The following GUCY1A2 variants were observed in gnomAD, a reference collection of about 807,000 sequenced individuals.
The protein encoded by GUCY1A2 is guanylate cyclase 1 soluble subunit alpha 2, also known as guanylate cyclase soluble subunit alpha-2.
GUCY1A2 carries 27 observed loss-of-function variants against 63.5 expected under a neutral mutation model. The observed-to-expected ratio is 0.43, with a 90% CI of 0.31 to 0.59. The LOEUF (loss-of-function observed/expected upper bound fraction) is 0.59, where lower values mean the gene tolerates loss of function less well. Ranked by LOEUF, GUCY1A2 falls within the 20% of genes least tolerant of loss-of-function variation. The pLI, the probability that GUCY1A2 is intolerant of heterozygous loss-of-function variation, is 0.11. For missense variants in GUCY1A2, 768 were observed against 913.3 expected (o/e 0.84, Z 2.05); for synonymous variants, 364 against 343.5 (o/e 1.06, Z -0.66).
chr11:106,963,338 G>A (rs535279319), intron 3 of GUCY1A2, among the ~76,000 whole-genome samples: 13 of 152,172 alleles, frequency 8.5e-5, no homozygotes, highest in Non-Finnish European at 1.5e-4. Flanking sequence ...CTACATGTCC[G>A]TGTATAGATG....
chr11:106,678,641 A>G lies in GUCY1A2; in HGVS notation c.*8908T>C, dbSNP rs1315149250. On this transcript the variant is annotated 3_prime_UTR_variant, in exon 8 of 8. Transcript: ENST00000526355. ...TCAGAGAGTCAGAGGTGATGTAACA[A>G]TATTCATATTTGTTGTTCAAATGAT... is the stretch of plus-strand genomic sequence containing the variant. 4.8e-6 allele frequency: 1 copy of G among 210,266 alleles called. No homozygotes were observed. Among genetic ancestry groups the G allele is most frequent in the Non-Finnish European group, 9.7e-6 (1 of 103,498 alleles). The allele number at this position is 210,266 out of a possible 1,614,324, so 13.0% of individuals were successfully genotyped here.
intron 4 of GUCY1A2, among the ~76,000 whole-genome samples, chr11:106,920,819 C>A (rs1005098487): frequency 6.6e-6 from 1 of 151,986 alleles, no homozygotes; most frequent in African/African-American, 2.4e-5. Context: ...TTTTAAAAAT[C>A]TATACTTCAC....
Position 106,708,502 on chromosome 11 carries a change from G to A in GUCY1A2, c.1991+10C>T, listed in dbSNP as rs1425359820. On this transcript the variant is annotated intron_variant, in intron 7 of 7. Transcript: ENST00000526355. ...CCAAGACAGGAAGGAGGAGGCCAGAGAACACTTACTGGTAAGTGGTTGGGC... is the reference window on the plus strand; with the variant it reads ...CCAAGACAGGAAGGAGGAGGCCAGAAAACACTTACTGGTAAGTGGTTGGGC... The A allele has an allele frequency of 6.2e-7, 1 of 1,606,116 alleles. No homozygotes were observed. The highest frequency in any genetic ancestry group is 8.5e-7 in the Non-Finnish European group (1 of 1,174,658).
intron 6 of GUCY1A2, among the ~76,000 whole-genome samples, chr11:106,773,663 A>T (rs554169244): frequency 2.6e-4 from 40 of 152,328 alleles, no homozygotes; most frequent in Admixed American, 9.8e-4. Context: ...ACAGATCCTC[A>T]CCAACAGTGG....
intron 6 of GUCY1A2, among the ~76,000 whole-genome samples, chr11:106,726,305 A>T (rs1314625093): frequency 1.3e-5 from 2 of 152,068 alleles, no homozygotes; most frequent in Non-Finnish European, 2.9e-5. Flanking sequence ...AATCCCAGCT[A>T]CTTGGGGGGC....
At chr11:106,765,466 A>T (rs1864146869) in intron 6 of GUCY1A2, among the ~76,000 whole-genome samples, 1 of 152,126 alleles carries the variant, frequency 6.6e-6, no homozygotes, top group South Asian at 2.1e-4. Context: ...TCAGGGATGT[A>T]CCTGGTTTGC....
At chr11:106,927,291 C>T (rs908954620) in intron 4 of GUCY1A2, among the ~76,000 whole-genome samples, 2 of 151,158 alleles carry the variant, frequency 1.3e-5, no homozygotes, top group East Asian at 2.1e-4. Flanking sequence ...GAGAATGGCA[C>T]GAACCCGGGG....
At chr11:106,969,570 CAA>C (rs35401717) in intron 3 of GUCY1A2, among the ~76,000 whole-genome samples, 1 of 149,420 alleles carries the variant, frequency 6.7e-6, no homozygotes, top group East Asian at 2.0e-4. Context: ...GAAATAAAGA[CAA>C]AAAAAAACAG....
intron 5 of GUCY1A2, among the ~76,000 whole-genome samples, chr11:106,799,255 A>T (rs1039356260): frequency 6.6e-6 from 1 of 152,196 alleles, no homozygotes; most frequent in Non-Finnish European, 1.5e-5. Context: ...GAGGACACAA[A>T]CAAATGGAAG....
At chr11:106,718,340 T>G (rs1196036023) in intron 6 of GUCY1A2, among the ~76,000 whole-genome samples, 1 of 152,104 alleles carries the variant, frequency 6.6e-6, no homozygotes, top group African/African-American at 2.4e-5. Flanking sequence ...GTTTGTAATC[T>G]TGTTTACATT....
intron 2 of GUCY1A2, among the ~76,000 whole-genome samples, chr11:106,980,187 A>T (rs1052768618): frequency 3.9e-5 from 6 of 152,204 alleles, no homozygotes; most frequent in African/African-American, 1.4e-4. Context: ...GGCAGGGCAA[A>T]TATGTGAATT....
At chr11:106,780,414 A>T (rs909349023) in intron 5 of GUCY1A2, among the ~76,000 whole-genome samples, 1 of 152,190 alleles carries the variant, frequency 6.6e-6, no homozygotes, top group Non-Finnish European at 1.5e-5. Flanking sequence ...AATTAGCAAC[A>T]GTGTATTTCT....
At chr11:106,769,505 A>G (rs562383041) in intron 6 of GUCY1A2, among the ~76,000 whole-genome samples, 1 of 151,976 alleles carries the variant, frequency 6.6e-6, no homozygotes, top group African/African-American at 2.4e-5. Context: ...AGAGACTCAT[A>G]ACTTTGCTGG....
At chr11:106,715,811 A>G (rs1863203810) in intron 6 of GUCY1A2, among the ~76,000 whole-genome samples, 1 of 152,200 alleles carries the variant, frequency 6.6e-6, no homozygotes, top group Non-Finnish European at 1.5e-5. Flanking sequence ...AAGTGCTCAG[A>G]GTATAAACAG....
intron 6 of GUCY1A2, among the ~76,000 whole-genome samples, chr11:106,759,663 A>G (rs1864031417): frequency 6.6e-6 from 1 of 152,176 alleles, no homozygotes; most frequent in African/African-American, 2.4e-5. Context: ...GCCAGGTGTG[A>G]TGGCTCATGC....
chr11:106,749,486 A>G (rs1238328229), intron 6 of GUCY1A2, among the ~76,000 whole-genome samples: 2 of 151,946 alleles, frequency 1.3e-5, no homozygotes, highest in African/African-American at 4.8e-5. Context: ...TAGCTACTGG[A>G]CTGTTCTTAG....
intron 2 of GUCY1A2, among the ~76,000 whole-genome samples, chr11:106,981,887 G>C (rs1027570398): frequency 7.9e-5 from 12 of 152,170 alleles, no homozygotes; most frequent in African/African-American, 2.7e-4. Context: ...GTTGCAGCAG[G>C]AGGATAAACT....
chr11:106,708,113 T>A (rs11211875), intron 7 of GUCY1A2, among the ~76,000 whole-genome samples: 20,813 of 151,836 alleles, frequency 0.14, 1,569 homozygotes, highest in Admixed American at 0.2. Flanking sequence ...ACTTTATTTA[T>A]TTATTCAAAA....
At chr11:106,859,768 A>G (rs1859484060) in intron 4 of GUCY1A2, among the ~76,000 whole-genome samples, 1 of 151,970 alleles carries the variant, frequency 6.6e-6, no homozygotes, top group African/African-American at 2.4e-5. Context: ...GTTTAGATAC[A>G]CAAATATCAT....
Sources: gnomAD v4.1 joint callset for allele counts (sites outside exome capture counted in the v4.1 genomes callset) on GRCh38, gnomAD v4.1.1 for gene constraint, MANE v1.5 for transcripts, NCBI Gene and HGNC (gene_info 2026-07-23, HGNC 2026-07-21) for gene names.